The following SPINK9 variants were observed in gnomAD, a reference collection of about 807,000 sequenced individuals.
SPINK9 encodes serine peptidase inhibitor Kazal type 9.
A neutral mutation model predicts 10.8 loss-of-function variants in SPINK9; 3 were observed. The observed-to-expected ratio is 0.28, with a 90% CI of 0.13 to 0.72. SPINK9 has a LOEUF of 0.72. SPINK9 is among the 30% of genes least tolerant of loss of function. The probability of loss-of-function intolerance (pLI) is 0.74; values close to 1 mark genes in which losing one functional copy is unlikely to be tolerated. For missense variants in SPINK9, 101 were observed against 103.2 expected (o/e 0.98, Z 0.09); for synonymous variants, 30 against 31.2 (o/e 0.96, Z 0.12).
intron 2 of SPINK9, among the ~76,000 whole-genome samples, chr5:148,327,637 A>AGGTCT (rs1215692160): frequency 6.6e-6 from 1 of 151,900 alleles, no homozygotes; most frequent in Non-Finnish European, 1.5e-5. Context: ...TTATGGTTTT[A>AGGTCT]GGTCTAACAT....
At chr5:148,326,260 A>C (rs575031353) in intron 2 of SPINK9, among the ~76,000 whole-genome samples, 67 of 152,304 alleles carry the variant, frequency 4.4e-4, no homozygotes, top group African/African-American at 1.6e-3. Flanking sequence ...TGTTGGTGAG[A>C]ATGTGAGAAA....
chr5:148,335,946 C>T (rs1408320915), intron 1 of SPINK9, among the ~76,000 whole-genome samples: 1 of 152,112 alleles, frequency 6.6e-6, no homozygotes, highest in African/African-American at 2.4e-5. Flanking sequence ...CTTGATGTCA[C>T]CATTTACAGG....
upstream of SPINK9, among the ~76,000 whole-genome samples, chr5:148,332,428 A>C (rs529599117): frequency 6.6e-6 from 1 of 152,286 alleles, no homozygotes; most frequent in African/African-American, 2.4e-5. Context: ...CCTGAGACTC[A>C]TTTACCTTCT....
At chr5:148,323,679 G>A (rs537960420) in exon 2 of SPINK9, 8 of 573,542 alleles carry the variant, frequency 1.4e-5, no homozygotes, top group Non-Finnish European at 2.5e-5. Flanking sequence ...CCTTTTGAAG[G>A]TTAGGTATTG....
At chr5:148,333,274 T>C (rs1757173506), upstream of SPINK9, among the ~76,000 whole-genome samples, 1 of 152,210 alleles carries the variant, frequency 6.6e-6, no homozygotes, top group Non-Finnish European at 1.5e-5. Flanking sequence ...ACTCTACTGA[T>C]GCAGGACAGG....
At chr5:148,322,057 T>C (rs1372242862) in intron 1 of SPINK9, among the ~76,000 whole-genome samples, 1 of 152,230 alleles carries the variant, frequency 6.6e-6, no homozygotes, top group East Asian at 1.9e-4. Context: ...TGTTATCCAC[T>C]GAGATTTGGC....
At chr5:148,331,844 T>C (rs1030090422), upstream of SPINK9, among the ~76,000 whole-genome samples, 1 of 152,254 alleles carries the variant, frequency 6.6e-6, no homozygotes, top group Non-Finnish European at 1.5e-5. Flanking sequence ...TCTATTATAC[T>C]GTTTTGATTA....
At chr5:148,327,453 G>C (rs1377044747) in intron 2 of SPINK9, among the ~76,000 whole-genome samples, 1 of 152,034 alleles carries the variant, frequency 6.6e-6, no homozygotes, top group Non-Finnish European at 1.5e-5. Flanking sequence ...CATTCTGTAG[G>C]TTGCCTGTTC....
At chr5:148,322,682 T>C (rs1197287041) in intron 1 of SPINK9, among the ~76,000 whole-genome samples, 2 of 152,196 alleles carry the variant, frequency 1.3e-5, no homozygotes, top group African/African-American at 4.8e-5. Context: ...ACAAAACACT[T>C]TCATAGCCCA....
At chr5:148,328,765 T>A (rs1343810574) in intron 2 of SPINK9, among the ~76,000 whole-genome samples, 5 of 152,210 alleles carry the variant, frequency 3.3e-5, no homozygotes, top group Non-Finnish European at 7.3e-5. Flanking sequence ...GATAATCATG[T>A]GGTTTTTGTC....
At chr5:148,325,629 T>A (rs967440297) in intron 2 of SPINK9, among the ~76,000 whole-genome samples, 4 of 152,084 alleles carry the variant, frequency 2.6e-5, no homozygotes, top group African/African-American at 7.2e-5. Context: ...CTGTAATTTT[T>A]TATATATATT....
At chr5:148,326,688 G>A (rs6871707) in intron 2 of SPINK9, among the ~76,000 whole-genome samples, 51,088 of 150,166 alleles carry the variant, frequency 0.34, 9,606 homozygotes, top group African/African-American at 0.52. Context: ...AACAGTCCCC[G>A]GTGTGTGATG....
chr5:148,335,686 T>C lies in SPINK9; in HGVS notation c.55+18T>C. On this transcript the variant is annotated intron_variant, in intron 1 of 3. Transcript: ENST00000377906. ...CATGTTCAGTGAGTATCTCTGATAA[T>C]ACTGCCCCTGCCCTTGTACTAATAG... is the stretch of plus-strand genomic sequence containing the variant. The C allele has an allele frequency of 6.2e-7, 1 of 1,612,878 alleles. No homozygotes were observed. Among genetic ancestry groups the C allele is most frequent in the Non-Finnish European group, 8.5e-7 (1 of 1,179,498 alleles).
chr5:148,332,767 G>C (rs1486497380), upstream of SPINK9, among the ~76,000 whole-genome samples: 1 of 152,142 alleles, frequency 6.6e-6, no homozygotes, highest in Non-Finnish European at 1.5e-5. Flanking sequence ...CTGACAATGA[G>C]GCTGCTAAAT....
chr5:148,322,112 C>T (rs912173044), intron 1 of SPINK9, among the ~76,000 whole-genome samples: 3 of 152,074 alleles, frequency 2.0e-5, no homozygotes, highest in Non-Finnish European at 4.4e-5. Flanking sequence ...AGCATTTTTG[C>T]CTTGATGATT....
chr5:148,335,487 T>C, upstream of SPINK9: 1 of 775,156 alleles, frequency 1.3e-6, no homozygotes, highest in South Asian at 1.7e-5. Context: ...TTGTACTACT[T>C]AGAAATTGCT....
intron 2 of SPINK9, chr5:148,323,884 A>C: frequency 1.4e-6 from 1 of 690,438 alleles, no homozygotes; most frequent in Non-Finnish European, 2.6e-6. Context: ...TAGCCCGCGA[A>C]AGTAATTTAA....
chr5:148,335,766 A>G, intron 1 of SPINK9, 98 bp downstream of exon 1: 1 of 1,377,918 alleles, frequency 7.3e-7, no homozygotes, highest in South Asian at 1.2e-5. Flanking sequence ...CATCACATAA[A>G]TAATAAGGGA....
chr5:148,330,570 C>T (rs1198758306), upstream of SPINK9, among the ~76,000 whole-genome samples: 2 of 152,156 alleles, frequency 1.3e-5, no homozygotes, highest in African/African-American at 4.8e-5. Flanking sequence ...GGTTATTTTG[C>T]TCATTAGTTG....
Sources: gnomAD v4.1 joint callset for allele counts (sites outside exome capture counted in the v4.1 genomes callset) on GRCh38, gnomAD v4.1.1 for gene constraint, MANE v1.5 for transcripts, NCBI Gene and HGNC (gene_info 2026-07-23, HGNC 2026-07-21) for gene names.